Variants in FRMD6 observed in about 807,000 individuals in gnomAD.
FRMD6 encodes FERM domain-containing protein 6.
Under a neutral mutation model 73.2 loss-of-function variants are expected in FRMD6, and 37 were observed. The observed-to-expected ratio is 0.51, with a 90% CI of 0.39 to 0.66. The LOEUF is 0.66. Ranked by LOEUF, FRMD6 falls within the 30% of genes least tolerant of loss-of-function variation. The probability of loss-of-function intolerance (pLI) is 0.00; values close to 1 mark genes in which losing one functional copy is unlikely to be tolerated. For synonymous variants in FRMD6, 273 were observed against 282.2 expected, an observed-to-expected ratio of 0.97 and a Z score of 0.33; for missense variants, 714 against 780.5, an observed-to-expected ratio of 0.91 and a Z score of 1.02.
At chr14:51,480,374 C>A in the FRMD6 span, among the ~76,000 whole-genome samples, 1 of 152,146 alleles carries the variant, frequency 6.6e-6, no homozygotes, top group Non-Finnish European at 1.5e-5. Context: ...TATAGCCAGG[C>A]AGAGAACAAA....
At chr14:51,658,699 T>C (rs756275238) in intron 1 of FRMD6, among the ~76,000 whole-genome samples, 2 of 152,168 alleles carry the variant, frequency 1.3e-5, no homozygotes, top group Non-Finnish European at 2.9e-5. Flanking sequence ...AGGAAGTACT[T>C]ATTGTAAAAC....
chr14:51,477,885 A>C, the FRMD6 span, among the ~76,000 whole-genome samples: 1 of 151,984 alleles, frequency 6.6e-6, no homozygotes, highest in South Asian at 2.1e-4. Context: ...GATTACAGGC[A>C]CGTGCCACCA....
At chr14:51,580,350 G>A (rs1888650827) in intron 2 of FRMD6, among the ~76,000 whole-genome samples, 1 of 152,182 alleles carries the variant, frequency 6.6e-6, no homozygotes, top group Non-Finnish European at 1.5e-5. Flanking sequence ...TAATAATTTA[G>A]TAGCAGAATT....
the FRMD6 span, among the ~76,000 whole-genome samples, chr14:51,483,130 A>G: frequency 9.8e-5 from 15 of 152,306 alleles, no homozygotes; most frequent in African/African-American, 3.6e-4. Flanking sequence ...TAACAGTTCA[A>G]TTTTATGAAG....
At chr14:51,559,747 G>T (rs1168345507) in intron 1 of FRMD6, among the ~76,000 whole-genome samples, 1 of 152,004 alleles carries the variant, frequency 6.6e-6, no homozygotes, top group African/African-American at 2.4e-5. Context: ...GAACAAATAA[G>T]GTAATCATTT....
At chr14:51,483,827 T>C in the FRMD6 span, among the ~76,000 whole-genome samples, 1 of 152,200 alleles carries the variant, frequency 6.6e-6, no homozygotes, top group East Asian at 1.9e-4. Context: ...ACACAGAGCA[T>C]CTTTTATGTA....
the FRMD6 span, among the ~76,000 whole-genome samples, chr14:51,424,290 A>G: frequency 0.075 from 11,472 of 152,282 alleles, 463 homozygotes; most frequent in South Asian, 0.098. Flanking sequence ...CAGAACCTGT[A>G]CTGAGATGAC....
chr14:51,509,730 G>C (rs1019823601), intron 1 of FRMD6, among the ~76,000 whole-genome samples: 1 of 151,842 alleles, frequency 6.6e-6, no homozygotes, highest in African/African-American at 2.4e-5. Context: ...GGGTTCAAGC[G>C]ATTCTCCTGC....
At chr14:51,649,090 A>G (rs1175908841), upstream of FRMD6, among the ~76,000 whole-genome samples, 1 of 152,180 alleles carries the variant, frequency 6.6e-6, no homozygotes, top group African/African-American at 2.4e-5. Context: ...CTGTGATAAG[A>G]AATATCTAAA....
chr14:51,662,179 T>C (rs1885035), intron 1 of FRMD6, among the ~76,000 whole-genome samples: 21,649 of 152,196 alleles, frequency 0.14, 1,683 homozygotes, highest in African/African-American at 0.17. Flanking sequence ...TTTAATTCAA[T>C]CTATTGATCC....
At chr14:51,459,882 C>CTTTTTTTT in the FRMD6 span, among the ~76,000 whole-genome samples, 1 of 23,426 alleles carries the variant, frequency 4.3e-5, no homozygotes, top group African/African-American at 2.2e-4. Flanking sequence ...ATTACTGACT[C>CTTTTTTTT]TCTTTTTTTT....
intron 1 of FRMD6, among the ~76,000 whole-genome samples, chr14:51,549,102 C>G (rs932944896): frequency 6.6e-6 from 1 of 152,134 alleles, no homozygotes; most frequent in African/African-American, 2.4e-5. Context: ...CCCTGGGAGA[C>G]CAGGCTGTGA....
the FRMD6 span, among the ~76,000 whole-genome samples, chr14:51,465,792 T>C: frequency 4.2e-5 from 6 of 144,026 alleles, no homozygotes; most frequent in Admixed American, 2.1e-4. Flanking sequence ...ACATGTTTTC[T>C]TTTTTTTTTT....
chr14:51,530,975 C>A (rs190211281), intron 1 of FRMD6, among the ~76,000 whole-genome samples: 1 of 152,252 alleles, frequency 6.6e-6, no homozygotes, highest in African/African-American at 2.4e-5. Flanking sequence ...AAGTCCAATG[C>A]GCCAGCATCT....
intron 5 of FRMD6, 50 bp from the exon 6 acceptor site, chr14:51,704,699 A>G (rs367692779): frequency 2.7e-5 from 41 of 1,493,660 alleles, no homozygotes; most frequent in Non-Finnish European, 3.8e-5. Context: ...TTTACATGTC[A>G]TTGGATTATT....
At chr14:51,490,906 T>C (rs1882967422) in intron 1 of FRMD6, among the ~76,000 whole-genome samples, 2 of 152,220 alleles carry the variant, frequency 1.3e-5, no homozygotes, top group African/African-American at 4.8e-5. Flanking sequence ...CCAAGAATAG[T>C]GAGAGCACTG....
chr14:51,583,307 G>A (rs145944411), intron 2 of FRMD6, among the ~76,000 whole-genome samples: 18 of 152,110 alleles, frequency 1.2e-4, no homozygotes, highest in Non-Finnish European at 2.4e-4. Context: ...TTTAGAATAG[G>A]TTTGTTTGTT....
Position 51,728,055 on chromosome 14 carries a change from G to A in FRMD6, c.*26G>A. 2.5e-6 allele frequency: 4 copies of A among 1,582,762 alleles called. No individual in the cohort carries two copies. Among genetic ancestry groups the A allele is most frequent in the Non-Finnish European group, 3.5e-6 (4 of 1,158,986 alleles). On this transcript the variant is annotated 3_prime_UTR_variant, in exon 14 of 14. Coordinates refer to ENST00000344768, the MANE Select transcript of FRMD6 (RefSeq NM_001267046.2). ...AGTCCGTCTGTGTGCAGCTGTACAG[G>A]CAGCTTACTGTTTGCTAGAGGATGC...
At chr14:51,660,835 T>C (rs1336725206) in intron 1 of FRMD6, among the ~76,000 whole-genome samples, 2 of 151,862 alleles carry the variant, frequency 1.3e-5, no homozygotes, top group Non-Finnish European at 2.9e-5. Context: ...AGAAGAGGGC[T>C]TGAAGGAGGA....
Sources: gnomAD v4.1 joint callset for allele counts (sites outside exome capture counted in the v4.1 genomes callset) on GRCh38, gnomAD v4.1.1 for gene constraint, MANE v1.5 for transcripts, NCBI Gene and HGNC (gene_info 2026-07-23, HGNC 2026-07-21) for gene names.